Variants in SUB1 observed in about 807,000 individuals in gnomAD.
The protein encoded by SUB1 is activated RNA polymerase II transcriptional coactivator p15.
Under a neutral mutation model 16.9 loss-of-function variants are expected in SUB1, and 1 was observed. The observed-to-expected ratio is 0.06, with a 90% CI of 0.02 to 0.28. The LOEUF is 0.28. SUB1 is among the 10% of genes least tolerant of loss of function. The pLI, the probability that SUB1 is intolerant of heterozygous loss-of-function variation, is 1.00. For missense variants in SUB1, 84 were observed against 145.2 expected, an observed-to-expected ratio of 0.58 and a Z score of 2.16; for synonymous variants, 51 against 46.9, an observed-to-expected ratio of 1.09 and a Z score of -0.36.
chr5:32,600,964 T>G, intron 4 of SUB1, 41 bp from the exon 5 acceptor site: 1 of 1,558,522 alleles, frequency 6.4e-7, no homozygotes. Flanking sequence ...CCTCAACGCT[T>G]AAATAGATTT....
intron 3 of SUB1, chr5:32,596,153 A>G (rs1390909353): frequency 2.0e-5 from 3 of 152,286 alleles, no homozygotes; most frequent in African/African-American, 7.2e-5. Context: ...AAACAGACAG[A>G]ATAAGGGGGG....
Position 32,601,911 on chromosome 5 carries a change from G to T in SUB1, c.*827G>T, listed in dbSNP as rs1490079183. 1.2e-5 allele frequency: 2 copies of T among 171,562 alleles called. No homozygotes were observed. The highest frequency in any genetic ancestry group is 4.8e-5 in the African/African-American group (2 of 41,814). The allele number at this position is 171,562 out of a possible 1,614,324, so 10.6% of individuals were successfully genotyped here. On this transcript the variant is annotated 3_prime_UTR_variant, in exon 5 of 5. Transcript: ENST00000265073. ...CCATGGGATGATGTCTGTAACATCA[G>T]ATATTGTTCAACTAGACTAGGATTT... is the stretch of plus-strand genomic sequence containing the variant.
intron 1 of SUB1, among the ~76,000 whole-genome samples, chr5:32,588,090 T>G (rs1187363978): frequency 6.9e-6 from 1 of 144,820 alleles, no homozygotes; most frequent in Non-Finnish European, 1.5e-5. Flanking sequence ...TGAATAATTT[T>G]ACGTTAGTTC....
At chr5:32,593,797 G>C (rs887667068) in intron 3 of SUB1, among the ~76,000 whole-genome samples, 1 of 152,032 alleles carries the variant, frequency 6.6e-6, no homozygotes, top group Non-Finnish European at 1.5e-5. Context: ...GGGTTCAAGA[G>C]ATTCTCCTGC....
In SUB1 at chr5:32,591,552, T is replaced by C; in HGVS notation, c.73-11T>C. ...TTTATGTGTGCAAATTTTAACCATA[T>C]TCTTTTCTAGTTAAAGAGGAAAAAG... On this transcript the variant is annotated splice_polypyrimidine_tract_variant and intron_variant, in intron 2 of 4. Coordinates refer to ENST00000265073, the MANE Select transcript of SUB1 (RefSeq NM_006713.4). The C allele has an allele frequency of 6.3e-7, 1 of 1,586,090 alleles. No individual in the cohort carries two copies. The highest frequency in any genetic ancestry group is 2.2e-5 in the East Asian group (1 of 44,628).
chr5:32,589,507 C>G (rs1738763045), intron 2 of SUB1, among the ~76,000 whole-genome samples: 1 of 152,168 alleles, frequency 6.6e-6, no homozygotes, highest in African/African-American at 2.4e-5. Context: ...TGGTCCCTTC[C>G]ATTTAATTAA....
In SUB1 at chr5:32,602,496, G is replaced by A. The variant is rs1318177551; in HGVS notation, c.*1412G>A. ...AAATGGTTACCTGCTATTAAGGTCT[G>A]CCATATTAGAGTTTTGCACTATTTT... On this transcript the variant is annotated 3_prime_UTR_variant, in exon 5 of 5. Transcript: ENST00000265073. 1.5e-5 allele frequency: 3 copies of A among 206,426 alleles called. No individual in the cohort carries two copies. Among genetic ancestry groups the A allele is most frequent in the African/African-American group, 7.0e-5 (3 of 42,752 alleles). The allele number at this position is 206,426 out of a possible 1,614,324, so 12.8% of individuals were successfully genotyped here.
At chr5:32,589,151 C>T (rs1738752836) in intron 2 of SUB1, among the ~76,000 whole-genome samples, 1 of 151,864 alleles carries the variant, frequency 6.6e-6, no homozygotes, top group African/African-American at 2.4e-5. Context: ...TGTGGTGGCA[C>T]CATCATGGCT....
chr5:32,586,632 T>C (rs1305321862), intron 1 of SUB1: 2 of 152,226 alleles, frequency 1.3e-5, no homozygotes, highest in African/African-American at 4.8e-5. Flanking sequence ...CAGTTTTTGA[T>C]AACAGACGGT....
At chr5:32,590,762 A>ATTTTTTTTTTTTGT (rs1738801824) in intron 2 of SUB1, among the ~76,000 whole-genome samples, 1 of 33,960 alleles carries the variant, frequency 2.9e-5, no homozygotes, top group Non-Finnish European at 5.4e-5. Context: ...CGCCTGGCTA[A>ATTTTTTTTTTTTGT]TTTTTTTTTT....
rs1241878517 is a variant in SUB1 at position 32,602,746 on chromosome 5, AG to A, written c.*1664del. On this transcript the variant is annotated 3_prime_UTR_variant, in exon 5 of 5. Transcript: ENST00000265073. ...TGTAATTTAGCCTTCATCGAATAAT[AG>A]GTACCAGTGTATTAAAAATGTGTAT... 2 of 154,608 alleles carry A rather than the reference AG, an allele frequency of 1.3e-5. No individual in the cohort carries two copies. Among genetic ancestry groups the A allele is most frequent in the Non-Finnish European group, 2.9e-5 (2 of 69,594 alleles). 9.6% of individuals were successfully genotyped at this position (154,608 alleles called of 1,614,324 possible). A position where few individuals can be genotyped will look rare whatever the true frequency, so the allele number is the denominator to read the frequency against.
chr5:32,587,339 C>T (rs968545214), intron 1 of SUB1, among the ~76,000 whole-genome samples: 1 of 152,084 alleles, frequency 6.6e-6, no homozygotes, highest in African/African-American at 2.4e-5. Context: ...CTTGGAATTC[C>T]TTGAAATTTG....
chr5:32,597,616 A>G (rs530001697), intron 3 of SUB1: 2 of 152,288 alleles, frequency 1.3e-5, no homozygotes, highest in South Asian at 4.1e-4. Context: ...TTAAACAGCA[A>G]TTTCCTTTGG....
intron 3 of SUB1, chr5:32,598,080 A>ATTTTTAT (rs1554006008): frequency 1.3e-5 from 2 of 151,660 alleles, no homozygotes; most frequent in African/African-American, 2.4e-5. Flanking sequence ...TTTTATTTTT[A>ATTTTTAT]TTTTTTTGCA....
chr5:32,588,645 C>T (rs1446945676), intron 2 of SUB1, 61 bp downstream of exon 2: 1 of 1,507,478 alleles, frequency 6.6e-7, no homozygotes, highest in African/African-American at 1.4e-5. Flanking sequence ...ATATCCCATT[C>T]TGAAGGATAG....
intron 2 of SUB1, 150 bp from the exon 3 acceptor site, chr5:32,591,408 AGTTTT>A (rs1579511929): frequency 1.9e-6 from 2 of 1,031,090 alleles, no homozygotes; most frequent in Admixed American, 3.6e-5. Flanking sequence ...TTAGATTCAT[AGTTTT>A]GTTGTTGAGT....
At chr5:32,599,096 T>TA in intron 4 of SUB1, 27 bp downstream of exon 4, 4 of 1,575,642 alleles carry the variant, frequency 2.5e-6, no homozygotes, top group Non-Finnish European at 3.5e-6. Flanking sequence ...TGAATTTTAT[T>TA]ACAGTGTTAG....
rs924949495 is a variant in SUB1, at chr5:32,603,182, T to C, written c.*2098T>C. On this transcript the variant is annotated 3_prime_UTR_variant, in exon 5 of 5. Coordinates refer to ENST00000265073, the MANE Select transcript of SUB1 (RefSeq NM_006713.4). Reference sequence around the variant, plus strand: ...GTTGACTGCTAACTTCATTTAAATGTGTTACTGGATATGCAGTATACTGAA... The same window carrying C: ...GTTGACTGCTAACTTCATTTAAATGCGTTACTGGATATGCAGTATACTGAA... 3.9e-5 allele frequency: 6 copies of C among 152,184 alleles called. No individual in the cohort carries two copies. Among genetic ancestry groups the C allele is most frequent in the Non-Finnish European group, 7.4e-5 (5 of 67,996 alleles). The allele number at this position is 152,184 out of a possible 1,614,324, so 9.4% of individuals were successfully genotyped here.
At position 32,600,998 on chromosome 5, in the gene SUB1, GT is replaced by G. The variant is rs1021918522; in HGVS notation, c.305-3del. ...TTTCACCTTTGAATTTTTAAACTTTGTTTTAGGTATTTCTTTAAATCCAGAA... is the reference window on the plus strand; with the variant it reads ...TTTCACCTTTGAATTTTTAAACTTTGTTTAGGTATTTCTTTAAATCCAGAA... On this transcript the variant is annotated splice_polypyrimidine_tract_variant and splice_region_variant and intron_variant, in intron 4 of 4. Coordinates refer to ENST00000265073, the MANE Select transcript of SUB1 (RefSeq NM_006713.4). 9 of 1,610,670 alleles carry G rather than the reference GT, an allele frequency of 5.6e-6. No individual in the cohort carries two copies. Among genetic ancestry groups the G allele is most frequent in the Middle Eastern group, 1.7e-4 (1 of 5,720 alleles).
Sources: allele counts gnomAD v4.1 joint callset (sites outside exome capture counted in the v4.1 genomes callset), GRCh38; gene constraint gnomAD v4.1.1; transcripts MANE v1.5; gene names NCBI Gene and HGNC (gene_info 2026-07-23, HGNC 2026-07-21).